Variants in ERC1 observed in about 807,000 individuals in gnomAD.
ERC1 encodes RAB6 interacting protein 2.
ERC1 carries 56 observed loss-of-function variants against 132.0 expected under a neutral mutation model. The observed-to-expected ratio is 0.42, with a 90% CI of 0.34 to 0.53. The LOEUF (loss-of-function observed/expected upper bound fraction) is 0.53, where lower values mean the gene tolerates loss of function less well. ERC1 is among the 20% of genes least tolerant of loss of function. The probability of loss-of-function intolerance (pLI) is 0.03; values close to 1 mark genes in which losing one functional copy is unlikely to be tolerated. For synonymous variants in ERC1, 478 were observed against 476.1 expected (o/e 1.00, Z -0.05); for missense variants, 1,202 against 1,349.9 (o/e 0.89, Z 1.72).
At chr12:1,337,457 G>A (rs1212953475) in intron 15 of ERC1, among the ~76,000 whole-genome samples, 1 of 151,926 alleles carries the variant, frequency 6.6e-6, no homozygotes, top group Non-Finnish European at 1.5e-5. Context: ...TGGGCCTCTT[G>A]AAGATAGCAC....
intron 2 of ERC1, among the ~76,000 whole-genome samples, chr12:1,074,337 T>G (rs1940977997): frequency 6.6e-6 from 1 of 151,642 alleles, no homozygotes; most frequent in Non-Finnish European, 1.5e-5. Flanking sequence ...AGACAGAGCT[T>G]TGCTCTGTCA....
At position 1,332,542 on chromosome 12, in the gene ERC1, G is replaced by C. The variant is rs533355006; in HGVS notation, c.2781-39291G>C. 4.6e-5 allele frequency among the ~76,000 whole-genome samples: 7 copies of C among 152,312 alleles called. 1 individual carries two copies. In the South Asian group the frequency reaches 1.2e-3, roughly 27 times the overall value. On this transcript the variant is annotated intron_variant, in intron 15 of 18. Coordinates refer to ENST00000360905, the MANE Select transcript of ERC1 (RefSeq NM_178040.4). ...GTGGTGTTTGCAGGTTTGCTTCCCT[G>C]CTAGGCCTCTGCTCTGGGTGATACA...
At position 1,083,457 on chromosome 12, in the gene ERC1, T is replaced by C. The variant is rs769994139; in HGVS notation, c.963T>C (p.Leu321=). Residue 321 remains leucine, a synonymous_variant, in exon 3 of 19, where the codon CTT becomes CTC. Transcript: ENST00000360905. The stretch of plus-strand genomic sequence containing the variant: ...TGGAAATGTTGCAGAGCAAAGGACT[T>C]TCTGCCAAGGCTACCGAGGAAGACC... The part of the protein sequence containing the change: ...KLLEMLQSKG[L]SAKATEEDHE... 9.9e-6 allele frequency: 16 copies of C among 1,614,222 alleles called. No homozygotes were observed. The highest frequency in any genetic ancestry group is 4.2e-6 in the Non-Finnish European group (5 of 1,180,032).
At chr12:1,038,657 C>G (rs1969581731) in intron 2 of ERC1, among the ~76,000 whole-genome samples, 1 of 152,156 alleles carries the variant, frequency 6.6e-6, no homozygotes, top group Non-Finnish European at 1.5e-5. Context: ...CTGTGCCCAG[C>G]CTTTTCTTTC....
intron 13 of ERC1, among the ~76,000 whole-genome samples, chr12:1,238,729 A>G (rs1257869362): frequency 6.6e-6 from 1 of 152,134 alleles, no homozygotes; most frequent in Non-Finnish European, 1.5e-5. Context: ...AATGTTTTCT[A>G]TTAGCAGTCT....
At chr12:1,170,946 T>C (rs905097199) in intron 8 of ERC1, among the ~76,000 whole-genome samples, 8 of 152,370 alleles carry the variant, frequency 5.3e-5, no homozygotes, top group African/African-American at 1.7e-4. Context: ...TTTTTAAATG[T>C]TCTCATCTTC....
chr12:1,021,298 G>A (rs1966323460), intron 1 of ERC1, among the ~76,000 whole-genome samples: 1 of 152,130 alleles, frequency 6.6e-6, no homozygotes, highest in East Asian at 1.9e-4. Flanking sequence ...GCAAGGCCTT[G>A]ACTGTTCCTA....
intron 15 of ERC1, among the ~76,000 whole-genome samples, chr12:1,327,334 C>G (rs948043996): frequency 2.6e-5 from 4 of 152,250 alleles, no homozygotes; most frequent in Middle Eastern, 3.4e-3. Context: ...GTACTTTTAG[C>G]AAAATATACA....
At chr12:1,006,497 C>A (rs1963634758) in intron 1 of ERC1, among the ~76,000 whole-genome samples, 1 of 152,158 alleles carries the variant, frequency 6.6e-6, no homozygotes, top group South Asian at 2.1e-4. Flanking sequence ...GATCTACCCA[C>A]CTTGCCTCCT....
At chr12:1,119,167 C>T (rs1946779428) in intron 7 of ERC1, among the ~76,000 whole-genome samples, 1 of 152,106 alleles carries the variant, frequency 6.6e-6, no homozygotes, top group South Asian at 2.1e-4. Flanking sequence ...GCGTGAGCCA[C>T]TGTGCCTAGC....
In ERC1 at chr12:1,376,111, C is replaced by T. The variant is rs577019122; in HGVS notation, c.2925+4134C>T. ...CACGCAGTGTTCAGAATTACACAAC[C>T]AGCACATGGCGTTCCACTCCTCTGA... On this transcript the variant is annotated intron_variant, in intron 16 of 18. Transcript: ENST00000360905. 1.2e-4 allele frequency among the ~76,000 whole-genome samples: 18 copies of T among 152,288 alleles called. 1 individual carries two copies. Among genetic ancestry groups the T allele is most frequent in the African/African-American group, 4.3e-4 (18 of 41,556 alleles).
At chr12:1,132,186 A>C (rs918093429) in intron 7 of ERC1, among the ~76,000 whole-genome samples, 6 of 152,170 alleles carry the variant, frequency 3.9e-5, no homozygotes, top group African/African-American at 4.8e-5. Flanking sequence ...TTTTATCTCA[A>C]ATCTCCAGAC....
rs1427800576 is a variant in ERC1 at position 1,418,609 on chromosome 12, TTCTTTCTTTC to T, written c.3024+10364_3024+10373del. Among the ~76,000 whole-genome samples the T allele has an allele frequency of 4.8e-3, 477 of 99,078 alleles. 10 individuals are homozygous for T. The highest frequency in any genetic ancestry group is 0.026 in the African/African-American group (441 of 16,906). The allele number at this position is 99,078 out of a possible 152,430, so 65.0% of individuals were successfully genotyped here. ...TCTTTCTCTTTCTTTCTTTCTTTCT[TTCTTTCTTTC>T]TTTCTTTCTTTCTTTCTTTCTTTCT... On this transcript the variant is annotated intron_variant, in intron 17 of 18. Transcript: ENST00000360905.
chr12:1,461,960 A>G (rs2154422081), intron 18 of ERC1, among the ~76,000 whole-genome samples: 1 of 152,306 alleles, frequency 6.6e-6, no homozygotes, highest in East Asian at 1.9e-4. Context: ...CACATGACAA[A>G]GTACTTGTAT....
chr12:1,476,373 A>T (rs531307106), intron 18 of ERC1, among the ~76,000 whole-genome samples: 1 of 151,980 alleles, frequency 6.6e-6, no homozygotes, highest in South Asian at 2.1e-4. Context: ...GTGAGCTATG[A>T]TCACTCCACT....
Position 1,418,749 on chromosome 12 carries a change from G to C in ERC1, c.3024+10502G>C, listed in dbSNP as rs895082365. Among the ~76,000 whole-genome samples, 3 of 141,778 alleles carry C rather than the reference G, an allele frequency of 2.1e-5. No individual in the cohort carries two copies. In the Admixed American group the frequency reaches 2.2e-4, roughly 10 times the overall value. The allele number at this position is 141,778 out of a possible 152,430, so 93.0% of individuals were successfully genotyped here. A position where few individuals can be genotyped will look rare whatever the true frequency, so the allele number is the denominator to read the frequency against. On this transcript the variant is annotated intron_variant, in intron 17 of 18. Coordinates refer to ENST00000360905, the MANE Select transcript of ERC1 (RefSeq NM_178040.4). ...TTTTGGAGACAGGATCTCTCTCTCT[G>C]TCGCTCAGACTGGAGTGTAGTGGCA...
At chr12:1,134,956 G>A (rs915536339) in intron 7 of ERC1, among the ~76,000 whole-genome samples, 1 of 152,072 alleles carries the variant, frequency 6.6e-6, no homozygotes. Flanking sequence ...TTGAACTCCC[G>A]ACCTCTGGTG....
intron 12 of ERC1, among the ~76,000 whole-genome samples, chr12:1,219,925 T>G (rs1245671726): frequency 1.3e-5 from 2 of 152,224 alleles, no homozygotes; most frequent in Non-Finnish European, 2.9e-5. Flanking sequence ...AACCTTCCTG[T>G]GTTCTCCCAT....
At chr12:1,040,346 G>A (rs547022904) in intron 2 of ERC1, among the ~76,000 whole-genome samples, 91 of 144,650 alleles carry the variant, frequency 6.3e-4, no homozygotes, top group Non-Finnish European at 1.0e-3. Context: ...TTTTGAGACG[G>A]AGTCTCGCTC....
Sources: allele counts gnomAD v4.1 joint callset (sites outside exome capture counted in the v4.1 genomes callset), GRCh38; gene constraint gnomAD v4.1.1; transcripts MANE v1.5; gene names NCBI Gene and HGNC (gene_info 2026-07-23, HGNC 2026-07-21).